NDST4: variants seen among roughly 807,000 people sequenced by gnomAD.
NDST4 encodes the protein N-heparan sulfate sulfotransferase 4.
NDST4 carries 63 observed loss-of-function variants against 100.8 expected under a neutral mutation model. The observed-to-expected ratio is 0.62, with a 90% CI of 0.51 to 0.77. The LOEUF (loss-of-function observed/expected upper bound fraction) is 0.77, where lower values mean the gene tolerates loss of function less well. NDST4 is among the 30% of genes least tolerant of loss of function. The pLI is 0.00. For synonymous variants in NDST4, 377 were observed against 361.8 expected (o/e 1.04, Z -0.48); for missense variants, 943 against 1,018.4 (o/e 0.93, Z 1.01).
At chr4:114,939,570 C>A (rs1194135236) in intron 4 of NDST4, among the ~76,000 whole-genome samples, 2 of 149,908 alleles carry the variant, frequency 1.3e-5, no homozygotes, top group African/African-American at 2.5e-5. Context: ...AGATACAAAG[C>A]AATGAAAAAT....
intron 1 of NDST4, among the ~76,000 whole-genome samples, chr4:115,079,948 A>C (rs911299666): frequency 1.3e-5 from 2 of 152,138 alleles, no homozygotes; most frequent in South Asian, 2.1e-4. Context: ...AAAATTAAAA[A>C]TTTTCATCAA....
intron 10 of NDST4, chr4:114,842,618 T>TAA (rs71584042): frequency 0.022 from 918 of 41,010 alleles, 103 homozygotes; most frequent in African/African-American, 0.026. Context: ...CAGTCTCTAC[T>TAA]AAAAAAAAAA....
intron 4 of NDST4, among the ~76,000 whole-genome samples, chr4:114,945,636 A>T (rs1725845772): frequency 6.6e-6 from 1 of 152,250 alleles, no homozygotes; most frequent in Non-Finnish European, 1.5e-5. Flanking sequence ...ATTAAGCAGT[A>T]CCTTGTTGAA....
At chr4:114,849,489 G>A (rs114983510) in intron 8 of NDST4, among the ~76,000 whole-genome samples, 46 of 152,234 alleles carry the variant, frequency 3.0e-4, no homozygotes, top group African/African-American at 1.1e-3. Context: ...TATACCTTAA[G>A]CTCATATGAG....
intron 2 of NDST4, among the ~76,000 whole-genome samples, chr4:115,007,468 C>T (rs1055360820): frequency 6.6e-6 from 1 of 152,026 alleles, no homozygotes; most frequent in Non-Finnish European, 1.5e-5. Flanking sequence ...AGTAAACAGA[C>T]AAAAACTGAT....
At chr4:114,880,788 G>T (rs753557199) in intron 6 of NDST4, among the ~76,000 whole-genome samples, 30 of 152,224 alleles carry the variant, frequency 2.0e-4, no homozygotes, top group East Asian at 1.2e-3. Flanking sequence ...AAATTCTGTT[G>T]TTCTATAATA....
chr4:114,892,161 T>C (rs11943439), intron 6 of NDST4, among the ~76,000 whole-genome samples: 33,918 of 152,030 alleles, frequency 0.22, 5,370 homozygotes, highest in African/African-American at 0.45. Flanking sequence ...GAAAGTACAA[T>C]TGAGTTTTAC....
At chr4:114,905,473 T>TA (rs1724931278) in intron 6 of NDST4, among the ~76,000 whole-genome samples, 2 of 151,888 alleles carry the variant, frequency 1.3e-5, no homozygotes, top group South Asian at 2.1e-4. Flanking sequence ...GTTCTGTTTT[T>TA]AAAAAAATTT....
intron 3 of NDST4, among the ~76,000 whole-genome samples, chr4:114,975,486 TCAATA>T (rs1467860747): frequency 3.9e-5 from 6 of 152,108 alleles, no homozygotes; most frequent in Admixed American, 1.3e-4. Context: ...CTGTCCTTCT[TCAATA>T]ACTATTTCTG....
intron 11 of NDST4, among the ~76,000 whole-genome samples, chr4:114,837,233 T>C (rs920048965): frequency 6.6e-6 from 1 of 152,120 alleles, no homozygotes; most frequent in African/African-American, 2.4e-5. Context: ...TTTGCACTGG[T>C]TTTTCCTCAT....
intron 2 of NDST4, among the ~76,000 whole-genome samples, chr4:114,997,609 T>C (rs947624728): frequency 1.8e-4 from 27 of 152,066 alleles, no homozygotes; most frequent in Non-Finnish European, 3.1e-4. Flanking sequence ...GTATTGTTTT[T>C]GTGAAACTTT....
intron 6 of NDST4, among the ~76,000 whole-genome samples, chr4:114,888,141 T>G (rs1296862722): frequency 1.3e-5 from 2 of 152,000 alleles, no homozygotes; most frequent in Non-Finnish European, 2.9e-5. Flanking sequence ...GGGCAGAGGT[T>G]GCAATGAGCC....
intron 6 of NDST4, among the ~76,000 whole-genome samples, chr4:114,892,130 C>T (rs1207403706): frequency 6.6e-6 from 1 of 151,984 alleles, no homozygotes; most frequent in Admixed American, 6.6e-5. Context: ...AATATTTTTC[C>T]TATTGAATTG....
intron 6 of NDST4, among the ~76,000 whole-genome samples, chr4:114,922,100 G>C (rs1007503565): frequency 6.6e-6 from 1 of 152,112 alleles, no homozygotes; most frequent in Non-Finnish European, 1.5e-5. Context: ...ATGGTCAGGC[G>C]GTTGTTAACT....
chr4:114,977,416 G>T, intron 2 of NDST4, 142 bp from the exon 3 acceptor site: 1 of 464,612 alleles, frequency 2.2e-6, no homozygotes, highest in Non-Finnish European at 3.8e-6. Flanking sequence ...TGTAGTATTC[G>T]TATTTCAGGT....
At chr4:114,870,578 A>C (rs1038534538) in intron 7 of NDST4, among the ~76,000 whole-genome samples, 190 bp downstream of exon 7, 1 of 152,170 alleles carries the variant, frequency 6.6e-6, no homozygotes, top group African/African-American at 2.4e-5. Flanking sequence ...CCAGAAAAGC[A>C]AGCAAAAAAT....
chr4:115,041,820 T>C (rs962301951), intron 2 of NDST4, among the ~76,000 whole-genome samples: 4 of 152,096 alleles, frequency 2.6e-5, no homozygotes, highest in Admixed American at 6.6e-5. Context: ...GGAAAGACTA[T>C]ATCCCTCAGA....
chr4:114,868,361 C>T (rs550620289), intron 7 of NDST4, among the ~76,000 whole-genome samples: 1 of 152,054 alleles, frequency 6.6e-6, no homozygotes, highest in African/African-American at 2.4e-5. Flanking sequence ...AAAAGGGTGA[C>T]AATGCTTACC....
intron 2 of NDST4, among the ~76,000 whole-genome samples, chr4:114,986,825 TATATA>T (rs1560845450): frequency 7.5e-5 from 9 of 120,338 alleles, no homozygotes; most frequent in East Asian, 2.3e-4. Flanking sequence ...TATATATATA[TATATA>T]TATTTTAATA....
Sources: gnomAD v4.1 joint callset for allele counts (sites outside exome capture counted in the v4.1 genomes callset) on GRCh38, gnomAD v4.1.1 for gene constraint, MANE v1.5 for transcripts, NCBI Gene and HGNC (gene_info 2026-07-23, HGNC 2026-07-21) for gene names.